Variants in ALDH1A3 observed in about 807,000 individuals in gnomAD.
The protein encoded by ALDH1A3 is retinaldehyde dehydrogenase 3.
ALDH1A3 carries 28 observed loss-of-function variants against 57.5 expected under a neutral mutation model. That is an observed-to-expected ratio of 0.49 (90% CI 0.36 to 0.67). The LOEUF (loss-of-function observed/expected upper bound fraction) is 0.67, where lower values mean the gene tolerates loss of function less well. Ranked by LOEUF, ALDH1A3 falls within the 30% of genes least tolerant of loss-of-function variation. The pLI, the probability that ALDH1A3 is intolerant of heterozygous loss-of-function variation, is 0.00. For synonymous variants in ALDH1A3, 281 were observed against 264.8 expected (o/e 1.06, Z -0.59); for missense variants, 507 against 669.4 (o/e 0.76, Z 2.68).
Position 100,906,507 on chromosome 15 carries a change from GGCCA to G in ALDH1A3, c.1234-612_1234-609del, listed in dbSNP as rs1485258281. On this transcript the variant is annotated intron_variant, in intron 10 of 12. Transcript: ENST00000329841. This position sits in a 1 kb window ranked among gnomAD's most constrained non-coding sequence, Gnocchi z 4.8. Reference sequence around the variant, plus strand: ...GGGGAACCCGGAAGGTATTTTGGCAGGCCAGGCACCATCCTGCCGGCTTATAATT... The same window carrying G: ...GGGGAACCCGGAAGGTATTTTGGCAGGGCACCATCCTGCCGGCTTATAATT... 6.6e-6 allele frequency among the ~76,000 whole-genome samples: 1 copy of G among 152,210 alleles called. No homozygotes were observed. The highest frequency in any genetic ancestry group is 1.5e-5 in the Non-Finnish European group (1 of 68,046).
intron 9 of ALDH1A3, among the ~76,000 whole-genome samples, chr15:100,902,598 G>A (rs755036518): frequency 1.2e-4 from 19 of 152,210 alleles, no homozygotes; most frequent in South Asian, 2.1e-4. Flanking sequence ...CCACCTGGCC[G>A]GGCAGGATCC....
intron 3 of ALDH1A3, among the ~76,000 whole-genome samples, chr15:100,890,311 T>C (rs2041636673): frequency 1.3e-5 from 2 of 152,090 alleles, no homozygotes; most frequent in African/African-American, 4.8e-5. Flanking sequence ...AACTTAGGAG[T>C]GGCTATGGTT....
Position 100,887,699 on chromosome 15 carries a change from G to A in ALDH1A3, c.332G>A (p.Arg111His), listed in dbSNP as rs2041610160. The A allele has an allele frequency of 2.5e-6, 4 of 1,604,094 alleles. No individual in the cohort carries two copies. Among genetic ancestry groups the A allele is most frequent in the South Asian group, 1.1e-5 (1 of 89,602 alleles). Reference sequence around the variant, plus strand: ...CTGGCTGACCTGGTGGAGAGGGACCGCGCCACCTTGGCCGTGAGTACATGC... The same window carrying A: ...CTGGCTGACCTGGTGGAGAGGGACCACGCCACCTTGGCCGTGAGTACATGC... The part of the protein sequence containing the change: ...HQLADLVERD[R>H]ATLAALETMD... The change falls in exon 3 of 13, where the codon CGC becomes CAC. Residue 111 changes from arginine (R) to histidine (H), a missense_variant. Coordinates refer to ENST00000329841, the MANE Select transcript of ALDH1A3 (RefSeq NM_000693.4). The surrounding 1 kb of genome is among the most constrained non-coding windows in gnomAD (Gnocchi z 4.6).
chr15:100,909,474 A>AT (rs2041861706), intron 12 of ALDH1A3, among the ~76,000 whole-genome samples: 2 of 34,368 alleles, frequency 5.8e-5, no homozygotes, highest in African/African-American at 1.7e-4. Context: ...CAAACTCCTC[A>AT]GTGTGTGAAC....
intron 8 of ALDH1A3, among the ~76,000 whole-genome samples, 164 bp from the exon 9 acceptor site, chr15:100,900,411 T>A (rs1053670795): frequency 7.2e-5 from 11 of 152,168 alleles, no homozygotes; most frequent in Admixed American, 1.3e-4. Context: ...TCCCTTCCTC[T>A]CTATTTGGGA....
chr15:100,900,124 A>G (rs1415357274), intron 8 of ALDH1A3, among the ~76,000 whole-genome samples: 1 of 152,260 alleles, frequency 6.6e-6, no homozygotes, highest in Non-Finnish European at 1.5e-5. Context: ...ACATGATATT[A>G]TCTTACTTAA....
chr15:100,879,923 G>C lies in ALDH1A3; in HGVS notation c.16G>C (p.Gly6Arg), dbSNP rs990181521. 4.1e-6 allele frequency: 6 copies of C among 1,463,200 alleles called. No homozygotes were observed. In the African/African-American group the frequency reaches 7.4e-5, roughly 18 times the overall value. 90.6% of individuals were successfully genotyped at this position (1,463,200 alleles called of 1,614,324 possible). MATAN[G>R]AVENGQPDRK... ...CGGAGGAGCCATGGCCACCGCTAAC[G>C]GGGCCGTGGAAAACGGGCAGCCGGA... Residue 6 changes from glycine to arginine, a missense_variant, in exon 1 of 13, where the codon GGG becomes CGG. Coordinates refer to ENST00000329841, the MANE Select transcript of ALDH1A3 (RefSeq NM_000693.4).
intron 7 of ALDH1A3, among the ~76,000 whole-genome samples, chr15:100,897,402 G>A (rs1490993627): frequency 6.6e-6 from 1 of 152,386 alleles, no homozygotes; most frequent in African/African-American, 2.4e-5. Flanking sequence ...ACCGAGTCAT[G>A]CTGGGCCAGC....
Position 100,914,746 on chromosome 15 carries a change from C to A in ALDH1A3, c.1512C>A (p.Thr504=). The A allele has an allele frequency of 6.2e-7, 1 of 1,614,106 alleles. No homozygotes were observed. Among genetic ancestry groups the A allele is most frequent in the Non-Finnish European group, 8.5e-7 (1 of 1,180,018 alleles). Residue 504 remains threonine, a synonymous_variant, in exon 13 of 13, where the codon ACC becomes ACA. Coordinates refer to ENST00000329841, the MANE Select transcript of ALDH1A3 (RefSeq NM_000693.4). ...LAEYTEVKTV[T]IKLGDKNP ...AATACACAGAAGTGAAAACTGTCACCATCAAACTTGGCGACAAGAACCCCT... is the reference window on the plus strand; with the variant it reads ...AATACACAGAAGTGAAAACTGTCACAATCAAACTTGGCGACAAGAACCCCT...
In ALDH1A3 at chr15:100,914,879, C is replaced by A; in HGVS notation, c.*106C>A. On this transcript the variant is annotated 3_prime_UTR_variant, in exon 13 of 13. Coordinates refer to ENST00000329841, the MANE Select transcript of ALDH1A3 (RefSeq NM_000693.4). ...TCTGACCTTCCCGGGACACATTCTT[C>A]TGGAGGCTTTACATCTACTGGAGTT... is the stretch of plus-strand genomic sequence containing the variant. 2.9e-6 allele frequency: 3 copies of A among 1,034,490 alleles called. No homozygotes were observed. Among genetic ancestry groups the A allele is most frequent in the Non-Finnish European group, 4.3e-6 (3 of 698,238 alleles). 64.1% of individuals were successfully genotyped at this position (1,034,490 alleles called of 1,614,324 possible).
chr15:100,909,472 T>TC (rs2041861523), intron 12 of ALDH1A3, among the ~76,000 whole-genome samples: 2 of 78,624 alleles, frequency 2.5e-5, no homozygotes, highest in African/African-American at 8.8e-5. Flanking sequence ...TGCAAACTCC[T>TC]CAGTGTGTGA....
intron 1 of ALDH1A3, chr15:100,881,273 G>T (rs1176762466): frequency 6.6e-6 from 1 of 152,178 alleles, no homozygotes; most frequent in Admixed American, 6.5e-5. Context: ...TAAACTAAAC[G>T]CTGGAAATTA....
chr15:100,890,487 A>G (rs1208727072), intron 3 of ALDH1A3, among the ~76,000 whole-genome samples: 1 of 152,180 alleles, frequency 6.6e-6, no homozygotes, highest in African/African-American at 2.4e-5. Context: ...TAACCTGGTA[A>G]ATTCATGTTG....
rs375911306 is a variant in ALDH1A3, at chr15:100,900,540, C to G, written c.884-35C>G. 3 of 1,545,796 alleles carry G rather than the reference C, an allele frequency of 1.9e-6. No homozygotes were observed. The African/African-American group carries it at 4.1e-5, about 21-fold the overall frequency. On this transcript the variant is annotated intron_variant, in intron 8 of 12. Transcript: ENST00000329841. ...CTTTAACAACTTAATCGCTTCCTCT[C>G]GCTCTGCCCGCCTCCCTCGCCCCTC...
At chr15:100,897,215 G>A (rs555721961) in intron 7 of ALDH1A3, among the ~76,000 whole-genome samples, 1 of 152,336 alleles carries the variant, frequency 6.6e-6, no homozygotes, top group African/African-American at 2.4e-5. Flanking sequence ...TGAGCTTGCT[G>A]ATGTTTAAAA....
At chr15:100,898,739 C>T (rs2041737001) in intron 8 of ALDH1A3, among the ~76,000 whole-genome samples, 1 of 152,202 alleles carries the variant, frequency 6.6e-6, no homozygotes, top group African/African-American at 2.4e-5. Context: ...GCACCCCTGC[C>T]CTGGGAAAGC....
At chr15:100,896,133 G>A in intron 7 of ALDH1A3, 87 bp downstream of exon 7, 1 of 1,086,020 alleles carries the variant, frequency 9.2e-7, no homozygotes, top group Non-Finnish European at 1.4e-6. Flanking sequence ...GCTTTAATAT[G>A]ATTTGTTTTT....
Position 100,894,307 on chromosome 15 carries a change from T to A in ALDH1A3, c.666+225T>A, listed in dbSNP as rs1214688529. ...AGTGGTCCTAATGAGAATGCTTAAC[T>A]CTTATTATGGGCTCAAACCTATGGT... is the stretch of plus-strand genomic sequence containing the variant. On this transcript the variant is annotated intron_variant, in intron 6 of 12. Transcript: ENST00000329841. This position sits in a 1 kb window ranked among gnomAD's most constrained non-coding sequence, Gnocchi z 4.5. 3.9e-6 allele frequency: 2 copies of A among 515,368 alleles called. No homozygotes were observed. The highest frequency in any genetic ancestry group is 6.8e-6 in the Non-Finnish European group (2 of 292,064). The allele number at this position is 515,368 out of a possible 1,614,324, so 31.9% of individuals were successfully genotyped here. A position where few individuals can be genotyped will look rare whatever the true frequency, so the allele number is the denominator to read the frequency against.
At position 100,892,611 on chromosome 15, in the gene ALDH1A3, C is replaced by G; in HGVS notation, c.447C>G (p.Asp149Glu). The G allele has an allele frequency of 6.2e-7, 1 of 1,612,950 alleles. No individual in the cohort carries two copies. The highest frequency in any genetic ancestry group is 8.5e-7 in the Non-Finnish European group (1 of 1,179,692). Residue 149 changes from aspartate to glutamate, a missense_variant, in exon 4 of 13, where the codon GAC becomes GAG. Around this residue, in one of 2 missense-constraint regions of ALDH1A3, gnomAD observed 432 missense variants for 608.4 expected, o/e 0.71. Transcript: ENST00000329841. Reference sequence around the variant, plus strand: ...TCAGATACTTTGCAGGGTGGGCAGACAAAATCCAGGGCAAGACCATCCCCA... The same window carrying G: ...TCAGATACTTTGCAGGGTGGGCAGAGAAAATCCAGGGCAAGACCATCCCCA... Reference protein sequence around the residue: ...RTLRYFAGWADKIQGKTIPTD... With the variant: ...RTLRYFAGWAEKIQGKTIPTD...
Sources: gnomAD v4.1 joint callset for allele counts (sites outside exome capture counted in the v4.1 genomes callset) on GRCh38, gnomAD v4.1.1 for gene constraint, gnomAD v4.1.1 regional missense constraint, Gnocchi (gnomAD v3.1) non-coding constraint, MANE v1.5 for transcripts, NCBI Gene and HGNC (gene_info 2026-07-23, HGNC 2026-07-21) for gene names.